GRIA4: variants seen among roughly 807,000 people sequenced by gnomAD.
The protein encoded by GRIA4 is glutamate ionotropic receptor AMPA type subunit 4, also known as glutamate receptor 4.
Under a neutral mutation model 104.0 loss-of-function variants are expected in GRIA4, and 34 were observed. The ratio of observed to expected loss-of-function variants is 0.33; its 90% CI spans 0.25 to 0.44. GRIA4 has a LOEUF of 0.44. GRIA4 is among the 20% of genes least tolerant of loss of function. GRIA4 has a pLI of 1.00. For missense variants in GRIA4, 750 were observed against 1,096.5 expected, an observed-to-expected ratio of 0.68 and a Z score of 4.46; for synonymous variants, 386 against 381.9, an observed-to-expected ratio of 1.01 and a Z score of -0.13.
Position 105,665,429 on chromosome 11 carries a change from C to G in GRIA4, c.247+52995C>G, listed in dbSNP as rs1273228275. Among the ~76,000 whole-genome samples the G allele has an allele frequency of 2.0e-5, 3 of 152,038 alleles. No individual in the cohort carries two copies. In the East Asian group the frequency reaches 5.8e-4, roughly 29 times the overall value. ...CAGCAAAAATTTTGACTCAGTCAGT[C>G]TGCTTTCTATCCCAGGTTTCTCACC... On this transcript the variant is annotated intron_variant, in intron 3 of 16. Coordinates refer to ENST00000282499, the MANE Select transcript of GRIA4 (RefSeq NM_000829.4).
intron 3 of GRIA4, 107 bp from the exon 4 acceptor site, chr11:105,752,874 C>T: frequency 2.0e-6 from 2 of 993,242 alleles, no homozygotes; most frequent in South Asian, 3.0e-5. Context: ...CCTGACAGAT[C>T]CAATGATTCA....
chr11:105,887,223 T>C (rs1217566755), intron 5 of GRIA4, among the ~76,000 whole-genome samples: 3 of 152,096 alleles, frequency 2.0e-5, no homozygotes, highest in Non-Finnish European at 2.9e-5. Context: ...TGTATTCTCA[T>C]GAGAAATATA....
At chr11:105,875,781 G>A (rs932734786) in intron 5 of GRIA4, among the ~76,000 whole-genome samples, 3 of 151,940 alleles carry the variant, frequency 2.0e-5, no homozygotes, top group African/African-American at 7.3e-5. Context: ...ATTTTTTACC[G>A]TGTCTATTTG....
At chr11:105,935,346 T>A (rs919139709) in intron 14 of GRIA4, among the ~76,000 whole-genome samples, 3 of 152,150 alleles carry the variant, frequency 2.0e-5, no homozygotes, top group African/African-American at 7.2e-5. Context: ...ACATTCCATA[T>A]GAAATTGAAG....
chr11:105,908,634 G>A (rs987969609), intron 9 of GRIA4, among the ~76,000 whole-genome samples: 2 of 148,304 alleles, frequency 1.3e-5, no homozygotes, highest in African/African-American at 5.0e-5. Context: ...AATAAAGTTT[G>A]CTTATTATTT....
At chr11:105,761,925 C>T (rs1027880495) in intron 4 of GRIA4, among the ~76,000 whole-genome samples, 2 of 152,238 alleles carry the variant, frequency 1.3e-5, no homozygotes, top group African/African-American at 4.8e-5. Context: ...TGAAAATTCA[C>T]TAATGTGTTA....
chr11:105,797,775 T>C (rs1177072640), intron 4 of GRIA4: 3 of 455,140 alleles, frequency 6.6e-6, no homozygotes, highest in Non-Finnish European at 1.3e-5. Flanking sequence ...TGCCAAGTTC[T>C]GTTGTTCACT....
At chr11:105,728,954 A>G (rs926742748) in intron 3 of GRIA4, among the ~76,000 whole-genome samples, 1 of 152,182 alleles carries the variant, frequency 6.6e-6, no homozygotes, top group Admixed American at 6.5e-5. Context: ...CTAGAGAAGC[A>G]AGAGCAAACA....
chr11:105,884,605 C>T (rs1257501700), intron 5 of GRIA4, among the ~76,000 whole-genome samples: 3 of 152,158 alleles, frequency 2.0e-5, no homozygotes, highest in Non-Finnish European at 4.4e-5. Context: ...CATCACCAGC[C>T]AGGTAAATAA....
chr11:105,752,966 T>C lies in GRIA4; in HGVS notation c.248-15T>C, dbSNP rs757522357. The C allele has an allele frequency of 6.6e-5, 106 of 1,608,068 alleles. No homozygotes were observed. Among genetic ancestry groups the C allele is most frequent in the Non-Finnish European group, 8.6e-5 (101 of 1,175,358 alleles). ...TGTGCTAATAGTTTGTGGTGTTTTC[T>C]TCCTCTTGTTTCAGTCTGTTCCCAG... On this transcript the variant is annotated splice_polypyrimidine_tract_variant and intron_variant, in intron 3 of 16. Transcript: ENST00000282499.
chr11:105,718,519 G>A (rs895677397), intron 3 of GRIA4, among the ~76,000 whole-genome samples: 17 of 152,208 alleles, frequency 1.1e-4, no homozygotes, highest in Non-Finnish European at 2.5e-4. Flanking sequence ...AGGTGGAGAA[G>A]CATTCAAAGA....
At chr11:105,618,683 G>A (rs1261725360) in intron 3 of GRIA4, among the ~76,000 whole-genome samples, 1 of 151,916 alleles carries the variant, frequency 6.6e-6, no homozygotes, top group Non-Finnish European at 1.5e-5. Flanking sequence ...ATAGAGATTT[G>A]GACATGTGTG....
intron 5 of GRIA4, chr11:105,862,722 A>T (rs948916424): frequency 6.6e-6 from 1 of 152,602 alleles, no homozygotes; most frequent in Non-Finnish European, 1.5e-5. Flanking sequence ...TTATAAGTCA[A>T]TACATTACTA....
chr11:105,889,893 C>A (rs1454868558), intron 6 of GRIA4, among the ~76,000 whole-genome samples: 1 of 151,938 alleles, frequency 6.6e-6, no homozygotes, highest in Non-Finnish European at 1.5e-5. Context: ...AAAATTAAAC[C>A]AAGAAAATAT....
At chr11:105,639,516 C>A (rs10791763) in intron 3 of GRIA4, among the ~76,000 whole-genome samples, 147,049 of 152,006 alleles carry the variant, frequency 0.97, 71,297 homozygotes, top group East Asian at 1. Context: ...TGAAAAATTC[C>A]AAGAATTTTT....
chr11:105,827,772 TTTA>T (rs1461426605), intron 4 of GRIA4, among the ~76,000 whole-genome samples: 1 of 152,042 alleles, frequency 6.6e-6, no homozygotes, highest in East Asian at 1.9e-4. Flanking sequence ...AAAATATGCA[TTTA>T]TTAAGTCTCC....
intron 3 of GRIA4, among the ~76,000 whole-genome samples, chr11:105,645,513 A>G (rs886224188): frequency 3.9e-5 from 6 of 152,196 alleles, no homozygotes; most frequent in Non-Finnish European, 7.3e-5. Flanking sequence ...ACAATTCATC[A>G]ACACTATTTT....
intron 4 of GRIA4, among the ~76,000 whole-genome samples, chr11:105,789,365 C>A (rs974676151): frequency 6.6e-6 from 1 of 152,120 alleles, no homozygotes; most frequent in Admixed American, 6.5e-5. Flanking sequence ...GCTGAGAAAG[C>A]TTTCCAAGAT....
intron 4 of GRIA4, among the ~76,000 whole-genome samples, chr11:105,836,793 T>A (rs1944204093): frequency 6.6e-6 from 1 of 152,168 alleles, no homozygotes; most frequent in African/African-American, 2.4e-5. Context: ...TCTTAAATGA[T>A]ATTGTGCAGG....
Sources: gnomAD v4.1 joint callset for allele counts (sites outside exome capture counted in the v4.1 genomes callset) on GRCh38, gnomAD v4.1.1 for gene constraint, MANE v1.5 for transcripts, NCBI Gene and HGNC (gene_info 2026-07-23, HGNC 2026-07-21) for gene names.